MAP3K19: variants seen among roughly 807,000 people sequenced by gnomAD.
MAP3K19 encodes SPS1/STE20-related protein kinase YSK4.
A neutral mutation model predicts 114.4 loss-of-function variants in MAP3K19; 91 were observed. The ratio of observed to expected loss-of-function variants is 0.80; its 90% confidence interval spans 0.67 to 0.95. The LOEUF (loss-of-function observed/expected upper bound fraction) is 0.95, where lower values mean the gene tolerates loss of function less well. Ranked by LOEUF, MAP3K19 falls within the 40% of genes least tolerant of loss-of-function variation. The pLI is 0.00. For synonymous variants in MAP3K19, 518 were observed against 530.5 expected, an observed-to-expected ratio of 0.98 and a Z score of 0.32; for missense variants, 1,471 against 1,573.2, an observed-to-expected ratio of 0.94 and a Z score of 1.10.
At chr2:135,043,742 CCT>C (rs1304480424) in intron 1 of MAP3K19, among the ~76,000 whole-genome samples, 4 of 152,174 alleles carry the variant, frequency 2.6e-5, no homozygotes, top group Non-Finnish European at 5.9e-5. Flanking sequence ...CTAAAACTCC[CCT>C]GTGTTCTGCC....
At chr2:134,972,739 T>C (rs1367679454) in intron 12 of MAP3K19, among the ~76,000 whole-genome samples, 2 of 152,168 alleles carry the variant, frequency 1.3e-5, no homozygotes, top group Non-Finnish European at 2.9e-5. Context: ...GCCCAGCCAA[T>C]CTTCATACAT....
intron 12 of MAP3K19, among the ~76,000 whole-genome samples, chr2:134,977,658 G>A (rs531500288): frequency 5.3e-5 from 8 of 151,942 alleles, no homozygotes; most frequent in South Asian, 2.1e-4. Context: ...CACCGCGCCC[G>A]GCTAATTTTT....
At chr2:134,982,667 T>C (rs1006571608) in intron 11 of MAP3K19, among the ~76,000 whole-genome samples, 15 of 152,142 alleles carry the variant, frequency 9.9e-5, no homozygotes, top group African/African-American at 3.4e-4. Context: ...CAGATTTCTA[T>C]GATGACTACA....
chr2:135,023,932 T>C (rs1394969672), intron 4 of MAP3K19, among the ~76,000 whole-genome samples: 1 of 152,284 alleles, frequency 6.6e-6, no homozygotes, highest in African/African-American at 2.4e-5. Flanking sequence ...GCCTGACATC[T>C]AAGGCTCTCC....
chr2:135,014,678 A>G (rs1269573164), intron 5 of MAP3K19, among the ~76,000 whole-genome samples: 1 of 152,256 alleles, frequency 6.6e-6, no homozygotes, highest in Non-Finnish European at 1.5e-5. Context: ...AAATAAAAGA[A>G]CACTACCAAT....
At chr2:134,991,970 T>C (rs1191335499) in intron 8 of MAP3K19, among the ~76,000 whole-genome samples, 1 of 152,188 alleles carries the variant, frequency 6.6e-6, no homozygotes, top group Non-Finnish European at 1.5e-5. Context: ...AGCTCTGGAA[T>C]GATGAGACTC....
rs772166646 is a variant in MAP3K19 at position 134,988,059 on chromosome 2, C to T, written c.813G>A (p.Ser271=). The change falls in exon 10 of 13, where the codon TCG becomes TCA. Residue 271 remains serine, a synonymous_variant. Coordinates refer to ENST00000392915, the MANE Select transcript of MAP3K19 (RefSeq NM_025052.5). ...AAGACCTGAGAGTCGGATCCATCAA[C>T]GACTTAACTAGGGCTCCCGGAGGCT... ...SNEPPGALVK[S]LMDPTLRSSD... 8 of 1,613,712 alleles carry T rather than the reference C, an allele frequency of 5.0e-6. No individual in the cohort carries two copies. The highest frequency in any genetic ancestry group is 1.7e-5 in the Admixed American group (1 of 59,966).
rs1386265746 is a variant in MAP3K19, at chr2:134,998,829, T to C, written c.483A>G (p.Leu161=). The change falls in exon 8 of 13, where the codon CTA becomes CTG. Residue 161 remains leucine (L), a synonymous_variant. Coordinates refer to ENST00000392915, the MANE Select transcript of MAP3K19 (RefSeq NM_025052.5). ...ELCNVNLGFL[L]PRSCLELNIS... Reference sequence around the variant, plus strand: ...TGTTCAGTTCTAAACAAGATCTTGGTAGCAAAAAGCCCAAGTTCACATTGC... The same window carrying C: ...TGTTCAGTTCTAAACAAGATCTTGGCAGCAAAAAGCCCAAGTTCACATTGC... 1 of 1,614,088 alleles carries C rather than the reference T, an allele frequency of 6.2e-7. No individual in the cohort carries two copies. The highest frequency in any genetic ancestry group is 8.5e-7 in the Non-Finnish European group (1 of 1,180,032).
intron 5 of MAP3K19, among the ~76,000 whole-genome samples, chr2:135,016,249 G>C (rs1322853987): frequency 6.6e-6 from 1 of 152,180 alleles, no homozygotes; most frequent in Non-Finnish European, 1.5e-5. Context: ...GTGTGAGGTA[G>C]GGGTCAACAT....
At chr2:134,993,862 G>C (rs558702676) in intron 8 of MAP3K19, among the ~76,000 whole-genome samples, 1 of 152,030 alleles carries the variant, frequency 6.6e-6, no homozygotes, top group Non-Finnish European at 1.5e-5. Context: ...AATGTTAAAA[G>C]TAGCCAGGTG....
chr2:134,979,641 G>GTTTTTT (rs774229914), intron 12 of MAP3K19, among the ~76,000 whole-genome samples: 7 of 117,752 alleles, frequency 5.9e-5, no homozygotes, highest in East Asian at 2.7e-4. Flanking sequence ...CATTTATGCG[G>GTTTTTT]TTTTTTTTTT....
At chr2:134,993,479 G>T (rs1365949148) in intron 8 of MAP3K19, among the ~76,000 whole-genome samples, 2 of 152,166 alleles carry the variant, frequency 1.3e-5, no homozygotes, top group African/African-American at 4.8e-5. Flanking sequence ...TGTCCCAGAA[G>T]ATGGCAATTT....
chr2:135,031,521 C>G (rs768315186), intron 2 of MAP3K19, among the ~76,000 whole-genome samples: 2 of 152,176 alleles, frequency 1.3e-5, no homozygotes, highest in Non-Finnish European at 2.9e-5. Flanking sequence ...AAAGACCTGA[C>G]AAACCCCTCT....
At position 135,005,547 on chromosome 2, in the gene MAP3K19, A is replaced by C; in HGVS notation, c.139-16T>G. Reference sequence around the variant, plus strand: ...GGTCGAACTCCTGCAATATCATAAAATTCAAAACTCAGTTATTAGTTATTC... The same window carrying C: ...GGTCGAACTCCTGCAATATCATAAACTTCAAAACTCAGTTATTAGTTATTC... On this transcript the variant is annotated splice_polypyrimidine_tract_variant and intron_variant, in intron 5 of 12. Coordinates refer to ENST00000392915, the MANE Select transcript of MAP3K19 (RefSeq NM_025052.5). 1 of 1,595,960 alleles carries C rather than the reference A, an allele frequency of 6.3e-7. No homozygotes were observed. Among genetic ancestry groups the C allele is most frequent in the Non-Finnish European group, 8.6e-7 (1 of 1,163,768 alleles).
intron 5 of MAP3K19, among the ~76,000 whole-genome samples, chr2:135,019,031 A>G (rs1199064627): frequency 6.6e-6 from 1 of 152,032 alleles, no homozygotes; most frequent in African/African-American, 2.4e-5. Flanking sequence ...GTGAGCAGAG[A>G]TCGTGCCACT....
At chr2:135,024,841 G>T in intron 3 of MAP3K19, 100 bp from the exon 4 acceptor site, 1 of 540,352 alleles carries the variant, frequency 1.9e-6, no homozygotes, top group Non-Finnish European at 3.2e-6. Flanking sequence ...TAAATAAAAA[G>T]TAATCTTATG....
At chr2:134,967,277 G>C (rs12471705) in intron 12 of MAP3K19, among the ~76,000 whole-genome samples, 1 of 152,112 alleles carries the variant, frequency 6.6e-6, no homozygotes, top group Admixed American at 6.5e-5. Flanking sequence ...TTCTCCCCAT[G>C]TGATAGTCTG....
At position 134,986,103 on chromosome 2, in the gene MAP3K19, C is replaced by A; in HGVS notation, c.2769G>T (p.Trp923Cys). The A allele has an allele frequency of 6.2e-7, 1 of 1,613,848 alleles. No homozygotes were observed. The highest frequency in any genetic ancestry group is 1.1e-5 in the South Asian group (1 of 91,042). The change falls in exon 10 of 13, where the codon TGG becomes TGT. Residue 923 changes from tryptophan to cysteine, a missense_variant. Trp to Cys is a radical substitution (Grantham distance 215). Coordinates refer to ENST00000392915, the MANE Select transcript of MAP3K19 (RefSeq NM_025052.5). The part of the protein sequence containing the change: ...ESASSQTYQY[W>C]VHYLDHDSLA... ...AACTATCATGATCCAAATAATGTAC[C>A]CAATATTGATATGTCTGGGAAGATG...
At chr2:135,030,054 CA>C (rs1429322818) in intron 3 of MAP3K19, among the ~76,000 whole-genome samples, 1 of 152,146 alleles carries the variant, frequency 6.6e-6, no homozygotes, top group African/African-American at 2.4e-5. Flanking sequence ...GGGAGCAAAT[CA>C]TTTCCCAGGG....
Sources: gnomAD v4.1 joint callset for allele counts (sites outside exome capture counted in the v4.1 genomes callset) on GRCh38, gnomAD v4.1.1 for gene constraint, MANE v1.5 for transcripts, NCBI Gene and HGNC (gene_info 2026-07-23, HGNC 2026-07-21) for gene names.